FHL2: variants seen among roughly 807,000 people sequenced by gnomAD.
FHL2 encodes the protein four and a half LIM domains protein 2.
A neutral mutation model predicts 32.7 loss-of-function variants in FHL2; 20 were observed. The observed-to-expected ratio is 0.61, with a 90% CI of 0.43 to 0.89. The LOEUF (loss-of-function observed/expected upper bound fraction) is 0.89. Among genes scored for constraint, FHL2 ranks in the 40% least tolerant of loss-of-function variants. The pLI, the probability that FHL2 is intolerant of heterozygous loss-of-function variation, is 0.00. For missense variants in FHL2, 311 were observed against 358.6 expected, an observed-to-expected ratio of 0.87 and a Z score of 1.07; for synonymous variants, 123 against 128.1, an observed-to-expected ratio of 0.96 and a Z score of 0.27.
chr2:105,418,399 C>A (rs1258416725), intron 1 of FHL2, among the ~76,000 whole-genome samples: 2 of 151,314 alleles, frequency 1.3e-5, no homozygotes, highest in Non-Finnish European at 2.9e-5. Flanking sequence ...TGAAAATAAG[C>A]CTCAGAGACC....
At chr2:105,398,599 C>T (rs1468868842) in intron 1 of FHL2, among the ~76,000 whole-genome samples, 2 of 152,226 alleles carry the variant, frequency 1.3e-5, no homozygotes, top group Non-Finnish European at 2.9e-5. Flanking sequence ...ACGCGGGCTG[C>T]AGTCCTCCCT....
chr2:105,386,613 G>C (rs1226407674), intron 2 of FHL2, 73 bp from the exon 3 acceptor site: 1 of 1,311,606 alleles, frequency 7.6e-7, no homozygotes, highest in South Asian at 1.3e-5. Flanking sequence ...GGCATTAACT[G>C]TCCCACTGTC....
chr2:105,430,996 T>C (rs1176191113), intron 1 of FHL2, among the ~76,000 whole-genome samples: 1 of 152,222 alleles, frequency 6.6e-6, no homozygotes, highest in Non-Finnish European at 1.5e-5. Context: ...GGGTCTTCCT[T>C]TCTCAAGCCT....
chr2:105,380,973 C>T (rs1353318051), intron 3 of FHL2, among the ~76,000 whole-genome samples: 1 of 152,068 alleles, frequency 6.6e-6, no homozygotes, highest in Non-Finnish European at 1.5e-5. Flanking sequence ...TGCTTGGCTC[C>T]GAATGTGTCC....
chr2:105,430,528 TGTG>T (rs1234841976), intron 1 of FHL2, among the ~76,000 whole-genome samples: 1 of 152,054 alleles, frequency 6.6e-6, no homozygotes, highest in African/African-American at 2.4e-5. Flanking sequence ...ATTAGCTGGG[TGTG>T]GTGGTGGGCA....
At chr2:105,385,178 T>G (rs1024168840) in intron 3 of FHL2, among the ~76,000 whole-genome samples, 2 of 152,206 alleles carry the variant, frequency 1.3e-5, no homozygotes, top group African/African-American at 4.8e-5. Flanking sequence ...TTTAGGGGGC[T>G]GGTGCTGTAC....
At chr2:105,397,140 A>G (rs1558716015) in intron 1 of FHL2, among the ~76,000 whole-genome samples, 1 of 151,744 alleles carries the variant, frequency 6.6e-6, no homozygotes, top group Admixed American at 6.6e-5. Context: ...GCCTCATAGA[A>G]ATATTCAAAT....
intron 2 of FHL2, among the ~76,000 whole-genome samples, chr2:105,387,180 C>T (rs935431598): frequency 1.3e-5 from 2 of 152,168 alleles, no homozygotes; most frequent in Non-Finnish European, 2.9e-5. Flanking sequence ...GGCTGTGACC[C>T]GGCCTTGCAT....
intron 1 of FHL2, among the ~76,000 whole-genome samples, chr2:105,406,455 C>CCTT (rs111876624): frequency 7.1e-6 from 1 of 141,470 alleles, no homozygotes; most frequent in Non-Finnish European, 1.5e-5. Flanking sequence ...TTTTTCTTAT[C>CCTT]TTTTTTTTTT....
Position 105,384,042 on chromosome 2 carries a change from G to A in FHL2, c.156+2319C>T, listed in dbSNP as rs537682438. On this transcript the variant is annotated intron_variant, in intron 3 of 6. Transcript: ENST00000530340. ...ATAAAACATGCGTGGAAGGATGACG[G>A]CTTTTAAGGGTCTTTCCACTAAATC... Among the ~76,000 whole-genome samples, 6 of 152,292 alleles carry A rather than the reference G, an allele frequency of 3.9e-5. No individual in the cohort carries two copies. The East Asian group carries it at 5.8e-4, about 15-fold the overall frequency.
At chr2:105,363,203 A>G in intron 6 of FHL2, 82 bp downstream of exon 6, 1 of 1,391,546 alleles carries the variant, frequency 7.2e-7, no homozygotes, top group Admixed American at 1.9e-5. Flanking sequence ...GTTGAGGGAT[A>G]TAGACAGGGT....
chr2:105,399,567 C>A, upstream of FHL2: 1 of 1,535,896 alleles, frequency 6.5e-7, no homozygotes, highest in South Asian at 1.2e-5. Context: ...CGTTCCACTA[C>A]GGAGGGGACT....
intron 1 of FHL2, among the ~76,000 whole-genome samples, chr2:105,434,714 A>C (rs1005685581): frequency 6.6e-6 from 1 of 152,190 alleles, no homozygotes; most frequent in African/African-American, 2.4e-5. Flanking sequence ...ATGTTTACCT[A>C]TAGTGCTGTT....
At chr2:105,373,467 G>A (rs1681238090) in intron 4 of FHL2, 92 bp downstream of exon 4, 1 of 1,408,818 alleles carries the variant, frequency 7.1e-7, no homozygotes. Context: ...ACGAGTGTCT[G>A]GAACCAAGTC....
intron 6 of FHL2, among the ~76,000 whole-genome samples, chr2:105,362,538 A>T (rs1680342779): frequency 6.6e-6 from 1 of 152,216 alleles, no homozygotes; most frequent in African/African-American, 2.4e-5. Context: ...CCTTCCTCTG[A>T]TAGGAACGAA....
At chr2:105,396,960 A>G (rs1180270510) in intron 1 of FHL2, 1 of 432,564 alleles carries the variant, frequency 2.3e-6, no homozygotes, top group Non-Finnish European at 4.1e-6. Flanking sequence ...GAGGCTGAGT[A>G]ACTGGCCCTC....
intron 1 of FHL2, among the ~76,000 whole-genome samples, chr2:105,436,234 G>A (rs1185473208): frequency 2.6e-5 from 4 of 152,114 alleles, no homozygotes; most frequent in Non-Finnish European, 5.9e-5. Context: ...TGTGGGGTGT[G>A]GAGGGCATGC....
At position 105,418,947 on chromosome 2, in the gene FHL2, GC is replaced by G. The variant is rs1447178492; in HGVS notation, c.-25+19451del. Among the ~76,000 whole-genome samples the G allele has an allele frequency of 3.9e-5, 6 of 152,324 alleles. 1 individual carries two copies. The highest frequency in any genetic ancestry group is 1.4e-4 in the African/African-American group (6 of 41,578). ...ATACACAGGAAAAAACATAGTATAT[GC>G]AGGGTTTGGGACTATCCACAGTTTC... On this transcript the variant is annotated intron_variant, in intron 1 of 5. Transcript: ENST00000393352.
In FHL2 at chr2:105,398,943, G is replaced by T; in HGVS notation, c.-177C>A. 6.5e-7 allele frequency: 1 copy of T among 1,532,716 alleles called. No individual in the cohort carries two copies. The highest frequency in any genetic ancestry group is 2.7e-5 in the East Asian group (1 of 37,012). The allele number at this position is 1,532,716 out of a possible 1,614,324, so 94.9% of individuals were successfully genotyped here. The stretch of plus-strand genomic sequence containing the variant: ...TGGCTAAGCCCCTCGGCCTCCCTCC[G>T]GGGCGCAGGGGGTTGGAGGTACTCA... On this transcript the variant is annotated 5_prime_UTR_variant, in exon 1 of 7. Transcript: ENST00000530340.
Sources: allele counts gnomAD v4.1 joint callset (sites outside exome capture counted in the v4.1 genomes callset), GRCh38; gene constraint gnomAD v4.1.1; transcripts MANE v1.5; gene names NCBI Gene and HGNC (gene_info 2026-07-23, HGNC 2026-07-21).